DCDC1: variants seen among roughly 807,000 people sequenced by gnomAD.
DCDC1 encodes doublecortin domain-containing protein 1.
Under a neutral mutation model 178.3 loss-of-function variants are expected in DCDC1, and 200 were observed. The ratio of observed to expected loss-of-function variants is 1.12; its 90% CI spans 1.00 to 1.26. The LOEUF (loss-of-function observed/expected upper bound fraction) is 1.26, where lower values mean the gene tolerates loss of function less well. Among genes scored for constraint, DCDC1 ranks in the 50% most tolerant of loss-of-function variants. DCDC1 has a pLI of 0.00. For missense variants in DCDC1, 1,983 were observed against 1,749.2 expected, an observed-to-expected ratio of 1.13 and a Z score of -2.38; for synonymous variants, 690 against 604.8, an observed-to-expected ratio of 1.14 and a Z score of -2.07.
intron 9 of DCDC1, among the ~76,000 whole-genome samples, chr11:31,191,187 T>C: frequency 6.6e-6 from 1 of 152,104 alleles, no homozygotes; most frequent in East Asian, 1.9e-4. Context: ...ACATGTTCAG[T>C]ACAAATGTAA....
At chr11:31,365,820 C>G (rs942242069) in intron 1 of DCDC1, among the ~76,000 whole-genome samples, 1 of 152,072 alleles carries the variant, frequency 6.6e-6, no homozygotes, top group East Asian at 1.9e-4. Flanking sequence ...TAAAGTTTTG[C>G]CTATCCTTTT....
chr11:31,092,154 C>A (rs1346354386), intron 16 of DCDC1, among the ~76,000 whole-genome samples: 1 of 152,104 alleles, frequency 6.6e-6, no homozygotes, highest in Non-Finnish European at 1.5e-5. Flanking sequence ...ACGTAAAATT[C>A]TCTCTTAATA....
At chr11:31,077,357 C>T (rs1270654443) in intron 18 of DCDC1, among the ~76,000 whole-genome samples, 1 of 152,170 alleles carries the variant, frequency 6.6e-6, no homozygotes, top group African/African-American at 2.4e-5. Context: ...TACACAGTGT[C>T]TAATACAATG....
At chr11:31,021,113 C>A (rs1217106545) in intron 20 of DCDC1, among the ~76,000 whole-genome samples, 1 of 152,186 alleles carries the variant, frequency 6.6e-6, no homozygotes, top group East Asian at 1.9e-4. Context: ...GCAACAGGCA[C>A]TTTTACATGT....
intron 9 of DCDC1, among the ~76,000 whole-genome samples, chr11:31,204,389 A>C (rs2136460236): frequency 6.6e-6 from 1 of 152,316 alleles, no homozygotes. Context: ...TTGTATATAA[A>C]GTGACAAAAT....
chr11:30,915,478 T>C, intron 27 of DCDC1, 33 bp downstream of exon 27: 2 of 1,611,624 alleles, frequency 1.2e-6, no homozygotes, highest in Non-Finnish European at 1.7e-6. Flanking sequence ...TATTCACCTT[T>C]TGATATAGTA....
intron 9 of DCDC1, among the ~76,000 whole-genome samples, chr11:31,226,569 T>C (rs1210806581): frequency 1.3e-5 from 2 of 151,526 alleles, no homozygotes; most frequent in Non-Finnish European, 2.9e-5. Context: ...TGTACTAAGG[T>C]AAGAATACTA....
chr11:31,286,500 T>G (rs920891090), intron 7 of DCDC1, among the ~76,000 whole-genome samples: 1 of 151,954 alleles, frequency 6.6e-6, no homozygotes, highest in Non-Finnish European at 1.5e-5. Context: ...TTATTCATTT[T>G]TATCTATAAA....
At chr11:31,358,653 C>A (rs1191666096) in intron 1 of DCDC1, among the ~76,000 whole-genome samples, 5 of 152,048 alleles carry the variant, frequency 3.3e-5, no homozygotes, top group Non-Finnish European at 5.9e-5. Context: ...GAACAGGCAA[C>A]CTACAAAATG....
chr11:31,278,550 A>G (rs72888137), intron 7 of DCDC1, among the ~76,000 whole-genome samples: 12,182 of 152,198 alleles, frequency 0.08, 704 homozygotes, highest in Non-Finnish European at 0.11. Context: ...GCTAAAGTAC[A>G]CAAAATTTCA....
At chr11:31,171,128 G>A (rs758659265) in intron 9 of DCDC1, among the ~76,000 whole-genome samples, 7 of 152,098 alleles carry the variant, frequency 4.6e-5, no homozygotes, top group Non-Finnish European at 1.0e-4. Flanking sequence ...GCGCCAGGCT[G>A]AAAATCAGCA....
At position 30,867,408 on chromosome 11, in the gene DCDC1, G is replaced by A. The variant is rs1483356032; in HGVS notation, c.*41-2076C>T. ...AAGTAGTAGAAGAAATATCTACTTC[G>A]TAGGGTGGTTGTGAATACTGAATGA... On this transcript the variant is annotated intron_variant, in intron 38 of 38. Coordinates refer to ENST00000684477, the MANE Select transcript of DCDC1 (RefSeq NM_001387274.1). Among the ~76,000 whole-genome samples the A allele has an allele frequency of 7.2e-5, 11 of 152,204 alleles. No individual in the cohort carries two copies. In the South Asian group the frequency reaches 1.0e-3, roughly 14 times the overall value.
intron 7 of DCDC1, among the ~76,000 whole-genome samples, chr11:31,282,095 A>AG (rs1161442109): frequency 6.6e-6 from 1 of 152,108 alleles, no homozygotes; most frequent in African/African-American, 2.4e-5. Context: ...TCATCATGTG[A>AG]GGGGGAAGTT....
intron 20 of DCDC1, among the ~76,000 whole-genome samples, chr11:31,037,760 G>C (rs1954163530): frequency 6.6e-6 from 1 of 151,942 alleles, no homozygotes; most frequent in Non-Finnish European, 1.5e-5. Context: ...ACTGCGCCTG[G>C]CCTAAATATT....
At chr11:31,333,107 G>C (rs1950086502) in intron 2 of DCDC1, among the ~76,000 whole-genome samples, 1 of 152,186 alleles carries the variant, frequency 6.6e-6, no homozygotes, top group South Asian at 2.1e-4. Flanking sequence ...AGGTCTTCTT[G>C]TTGAATTGAT....
intron 20 of DCDC1, among the ~76,000 whole-genome samples, chr11:31,051,811 A>G (rs1955267916): frequency 6.6e-6 from 1 of 152,236 alleles, no homozygotes; most frequent in Middle Eastern, 3.2e-3. Context: ...CACTAAAAGA[A>G]CTGCTAAAAG....
intron 34 of DCDC1, among the ~76,000 whole-genome samples, chr11:30,899,267 GC>G (rs1451572749): frequency 4.6e-5 from 7 of 152,026 alleles, no homozygotes; most frequent in African/African-American, 1.7e-4. Flanking sequence ...AGTTTCTCTT[GC>G]CCAGGTATCC....
intron 9 of DCDC1, among the ~76,000 whole-genome samples, chr11:31,171,679 G>A (rs568118357): frequency 5.3e-5 from 8 of 152,194 alleles, no homozygotes; most frequent in South Asian, 4.2e-4. Context: ...TTGTGGACCC[G>A]GAGTCATTAT....
chr11:30,978,251 T>C (rs1456264918), intron 20 of DCDC1, among the ~76,000 whole-genome samples: 1 of 152,226 alleles, frequency 6.6e-6, no homozygotes, highest in Non-Finnish European at 1.5e-5. Flanking sequence ...GATTAGGTGC[T>C]TCTGTACATT....
Sources: gnomAD v4.1 joint callset for allele counts (sites outside exome capture counted in the v4.1 genomes callset) on GRCh38, gnomAD v4.1.1 for gene constraint, MANE v1.5 for transcripts, NCBI Gene and HGNC (gene_info 2026-07-23, HGNC 2026-07-21) for gene names.